SNTG1: variants seen among roughly 807,000 people sequenced by gnomAD.
The protein encoded by SNTG1 is syntrophin gamma 1.
A neutral mutation model predicts 74.7 loss-of-function variants in SNTG1; 39 were observed. The ratio of observed to expected loss-of-function variants is 0.52; its 90% CI spans 0.40 to 0.68. The LOEUF is 0.68. Ranked by LOEUF, SNTG1 falls within the 30% of genes least tolerant of loss-of-function variation. The pLI, the probability that SNTG1 is intolerant of heterozygous loss-of-function variation, is 0.00. For synonymous variants in SNTG1, 254 were observed against 217.1 expected, an observed-to-expected ratio of 1.17 and a Z score of -1.49; for missense variants, 685 against 609.5, an observed-to-expected ratio of 1.12 and a Z score of -1.30.
chr8:50,701,832 C>T (rs1483139827), intron 15 of SNTG1, among the ~76,000 whole-genome samples: 1 of 148,412 alleles, frequency 6.7e-6, no homozygotes, highest in Non-Finnish European at 1.5e-5. Flanking sequence ...CCTCCTCCTC[C>T]TCCTCCTCCT....
At chr8:50,717,678 A>AC (rs1317921684) in intron 17 of SNTG1, among the ~76,000 whole-genome samples, 1 of 152,224 alleles carries the variant, frequency 6.6e-6, no homozygotes, top group East Asian at 1.9e-4. Flanking sequence ...TCATACAGAC[A>AC]CAGTGAGCCT....
At chr8:50,524,835 G>A (rs1266769296) in intron 9 of SNTG1, among the ~76,000 whole-genome samples, 1 of 152,118 alleles carries the variant, frequency 6.6e-6, no homozygotes, top group African/African-American at 2.4e-5. Context: ...GGGTGTCCTG[G>A]AATCAATCTC....
chr8:50,394,918 T>C lies in SNTG1; in HGVS notation c.27+653T>C, dbSNP rs531447503. On this transcript the variant is annotated intron_variant, in intron 3 of 18. Coordinates refer to ENST00000642720, the MANE Select transcript of SNTG1 (RefSeq NM_018967.5). Reference sequence around the variant, plus strand: ...TTTCATTCTTCAGGCAAAATACAAATACTTGCAGCTTAAAAATGTTTTATA... The same window carrying C: ...TTTCATTCTTCAGGCAAAATACAAACACTTGCAGCTTAAAAATGTTTTATA... Among the ~76,000 whole-genome samples, 14 of 150,052 alleles carry C rather than the reference T, an allele frequency of 9.3e-5. No individual in the cohort carries two copies. In the South Asian group the frequency reaches 2.7e-3, roughly 29 times the overall value.
intron 8 of SNTG1, among the ~76,000 whole-genome samples, chr8:50,482,881 A>T (rs532469808): frequency 6.6e-6 from 1 of 152,288 alleles, no homozygotes; most frequent in East Asian, 1.9e-4. Context: ...CTGACATCTG[A>T]GCCTGAAGCT....
chr8:50,195,980 A>T (rs2083754631), intron 2 of SNTG1, among the ~76,000 whole-genome samples: 1 of 152,198 alleles, frequency 6.6e-6, no homozygotes, highest in African/African-American at 2.4e-5. Context: ...TTTTAATATC[A>T]ATAATTTTCA....
intron 13 of SNTG1, among the ~76,000 whole-genome samples, chr8:50,635,518 C>A (rs995878857): frequency 6.6e-6 from 1 of 152,174 alleles, no homozygotes; most frequent in Non-Finnish European, 1.5e-5. Context: ...AAAGTCCTTT[C>A]ACTCTTCCTT....
In SNTG1 at chr8:50,566,925, C is replaced by T. The variant is rs545947691; in HGVS notation, c.810+13746C>T. Among the ~76,000 whole-genome samples the T allele has an allele frequency of 1.3e-4, 20 of 152,086 alleles. No individual in the cohort carries two copies. In the East Asian group the frequency reaches 3.7e-3, roughly 28 times the overall value. ...AAAAAGTGCTTTAAACATTCTGTCC[C>T]TTATATGATGCTGAAACATTTGCAA... On this transcript the variant is annotated intron_variant, in intron 12 of 18. Coordinates refer to ENST00000642720, the MANE Select transcript of SNTG1 (RefSeq NM_018967.5).
At chr8:50,115,581 A>AAAAAAAAAAAAAAAAC (rs1563617770) in intron 1 of SNTG1, among the ~76,000 whole-genome samples, 3 of 147,810 alleles carry the variant, frequency 2.0e-5, no homozygotes, top group African/African-American at 7.5e-5. Context: ...AAAAAAAAAA[A>AAAAAAAAAAAAAAAAC]AAAAAACGAG....
intron 2 of SNTG1, among the ~76,000 whole-genome samples, chr8:50,276,015 T>C (rs904711714): frequency 1.4e-4 from 21 of 152,222 alleles, no homozygotes; most frequent in African/African-American, 5.1e-4. Context: ...CCAATGTCTA[T>C]TTTATTTTTT....
intron 2 of SNTG1, among the ~76,000 whole-genome samples, chr8:50,371,897 T>C (rs978062179): frequency 6.6e-6 from 1 of 152,108 alleles, no homozygotes; most frequent in African/African-American, 2.4e-5. Flanking sequence ...CTTTTCCTAT[T>C]TTTTTACTGT....
At chr8:50,017,030 A>G (rs1816387468) in intron 1 of SNTG1, among the ~76,000 whole-genome samples, 1 of 152,116 alleles carries the variant, frequency 6.6e-6, no homozygotes, top group Non-Finnish European at 1.5e-5. Flanking sequence ...AAAATTAAAC[A>G]TTCCAGAAAA....
intron 1 of SNTG1, among the ~76,000 whole-genome samples, chr8:49,933,616 C>T (rs541641475): frequency 1.3e-4 from 20 of 152,180 alleles, no homozygotes; most frequent in Non-Finnish European, 2.1e-4. Flanking sequence ...GTTCTTTTCT[C>T]ATTGGATGAT....
chr8:50,215,374 A>G (rs2084731565), intron 2 of SNTG1, among the ~76,000 whole-genome samples: 1 of 148,214 alleles, frequency 6.7e-6, no homozygotes, highest in African/African-American at 2.5e-5. Context: ...AGAAATGTGT[A>G]TATAAATATA....
chr8:50,043,209 A>G (rs1818790772), intron 1 of SNTG1, among the ~76,000 whole-genome samples: 1 of 152,216 alleles, frequency 6.6e-6, no homozygotes, highest in Non-Finnish European at 1.5e-5. Context: ...GAGAATCTAT[A>G]TTAGCGAGTC....
chr8:50,007,035 A>G (rs1585865057), intron 1 of SNTG1, among the ~76,000 whole-genome samples: 1 of 152,062 alleles, frequency 6.6e-6, no homozygotes, highest in East Asian at 1.9e-4. Flanking sequence ...GGTAAATGGA[A>G]TCACTCAGTG....
At chr8:50,585,748 C>A (rs924181330) in intron 12 of SNTG1, among the ~76,000 whole-genome samples, 2 of 151,542 alleles carry the variant, frequency 1.3e-5, no homozygotes, top group African/African-American at 2.4e-5. Flanking sequence ...ATGAATAATA[C>A]CATGTTTTAA....
chr8:50,745,051 T>A (rs954592460), intron 17 of SNTG1, among the ~76,000 whole-genome samples: 3 of 151,938 alleles, frequency 2.0e-5, no homozygotes, highest in Non-Finnish European at 2.9e-5. Context: ...ATAGATAAAT[T>A]GGACAACATT....
intron 1 of SNTG1, among the ~76,000 whole-genome samples, chr8:50,102,821 T>C (rs1468583467): frequency 6.7e-6 from 1 of 149,974 alleles, no homozygotes; most frequent in Non-Finnish European, 1.5e-5. Context: ...TAGGGAATCC[T>C]TTCCCCATTG....
chr8:50,206,230 C>T (rs973831073), intron 2 of SNTG1, among the ~76,000 whole-genome samples: 2 of 151,998 alleles, frequency 1.3e-5, no homozygotes, highest in Non-Finnish European at 2.9e-5. Context: ...TGTTTGTGTC[C>T]TCTTTTATTT....
Sources: allele counts gnomAD v4.1 joint callset (sites outside exome capture counted in the v4.1 genomes callset), GRCh38; gene constraint gnomAD v4.1.1; transcripts MANE v1.5; gene names NCBI Gene and HGNC (gene_info 2026-07-23, HGNC 2026-07-21).